The following CACNA1C variants were observed in gnomAD, a reference collection of about 807,000 sequenced individuals.
The protein encoded by CACNA1C is calcium voltage-gated channel subunit alpha1 C.
A neutral mutation model predicts 229.0 loss-of-function variants in CACNA1C; 30 were observed. That is an observed-to-expected ratio of 0.13 (90% CI 0.10 to 0.18). The LOEUF is 0.18. Among genes scored for constraint, CACNA1C ranks in the 10% least tolerant of loss-of-function variants. CACNA1C has a pLI of 1.00. For missense variants in CACNA1C, 1,658 were observed against 2,845.0 expected, an observed-to-expected ratio of 0.58 and a Z score of 9.49; for synonymous variants, 1,114 against 1,132.5, an observed-to-expected ratio of 0.98 and a Z score of 0.33.
chr12:2,520,903 A>G (rs997648784), intron 9 of CACNA1C, among the ~76,000 whole-genome samples: 1 of 152,266 alleles, frequency 6.6e-6, no homozygotes, highest in Non-Finnish European at 1.5e-5. Flanking sequence ...GGTGACAGCC[A>G]CATAACATTT....
In CACNA1C at chr12:2,493,482, G is replaced by T. The variant is rs1044738251; in HGVS notation, c.1113+96G>T. 16 of 885,258 alleles carry T rather than the reference G, an allele frequency of 1.8e-5. No homozygotes were observed. In the African/African-American group the frequency reaches 2.1e-4, roughly 12 times the overall value. 54.8% of individuals were successfully genotyped at this position (885,258 alleles called of 1,614,324 possible). On this transcript the variant is annotated intron_variant, in intron 7 of 46. Transcript: ENST00000399655. The surrounding 1 kb of genome is among the most constrained non-coding windows in gnomAD (Gnocchi z 4.6). ...TTCTCCTCCTCCCCATGGTCTTGGGGTCACATACGCATCTTGATGGAATGG... is the reference window on the plus strand; with the variant it reads ...TTCTCCTCCTCCCCATGGTCTTGGGTTCACATACGCATCTTGATGGAATGG...
intron 3 of CACNA1C, among the ~76,000 whole-genome samples, chr12:2,207,646 C>CA (rs1358169226): frequency 1.3e-5 from 2 of 151,414 alleles, no homozygotes; most frequent in East Asian, 1.9e-4. Context: ...CTCGTCTCTA[C>CA]AAAAAAAAGT....
At chr12:1,973,688 T>C (rs533654707) in intron 1 of CACNA1C, among the ~76,000 whole-genome samples, 12 of 152,342 alleles carry the variant, frequency 7.9e-5, no homozygotes, top group African/African-American at 2.6e-4. Flanking sequence ...CCTAGTTTTA[T>C]TTGTTCCTTT....
chr12:2,071,865 T>C (rs547431428), intron 1 of CACNA1C, among the ~76,000 whole-genome samples: 1 of 152,342 alleles, frequency 6.6e-6, no homozygotes, highest in African/African-American at 2.4e-5. Context: ...GTGAATGATT[T>C]CACAATATGT....
chr12:2,116,649 A>G (rs535862389), intron 2 of CACNA1C, among the ~76,000 whole-genome samples: 1,952 of 152,162 alleles, frequency 0.013, 49 homozygotes, highest in African/African-American at 0.044. Flanking sequence ...TTACAGGTGT[A>G]ATCTGCCACC....
chr12:2,513,422 C>T (rs2099789245), intron 9 of CACNA1C, among the ~76,000 whole-genome samples: 1 of 152,234 alleles, frequency 6.6e-6, no homozygotes, highest in African/African-American at 2.4e-5. Context: ...GATTTCCATG[C>T]ACCACTGAGC....
At chr12:2,361,830 A>T (rs2097565292) in intron 3 of CACNA1C, among the ~76,000 whole-genome samples, 1 of 152,254 alleles carries the variant, frequency 6.6e-6, no homozygotes, top group Non-Finnish European at 1.5e-5. Context: ...GGTAGCCCTG[A>T]TAAGCAAATG....
intron 4 of CACNA1C, among the ~76,000 whole-genome samples, chr12:2,453,707 C>T (rs565488694): frequency 6.6e-5 from 10 of 152,148 alleles, no homozygotes; most frequent in Non-Finnish European, 1.3e-4. Flanking sequence ...CCCTCCCATC[C>T]CCATAGTCCC....
intron 3 of CACNA1C, among the ~76,000 whole-genome samples, chr12:2,310,352 A>AAAATATATAT (rs201363709): frequency 2.1e-5 from 3 of 139,828 alleles, no homozygotes; most frequent in Admixed American, 7.2e-5. Context: ...TAAAAAAAAA[A>AAAATATATAT]ATATATATAT....
At chr12:2,018,099 CG>C (rs2045718103) in intron 1 of CACNA1C, 1 of 152,182 alleles carries the variant, frequency 6.6e-6, no homozygotes, top group African/African-American at 2.4e-5. Flanking sequence ...AAATCAAGCC[CG>C]GATATGTCAC....
Position 2,608,793 on chromosome 12 carries a change from C to A in CACNA1C, c.3558+81C>A. ...TGCGGCCCACCCCGCAGAGGGGCTG[C>A]GACAGGGAGAGGCCGTGCAGATACT... On this transcript the variant is annotated intron_variant, in intron 27 of 46. Coordinates refer to ENST00000399655, the MANE Select transcript of CACNA1C (RefSeq NM_000719.7). This position sits in a 1 kb window ranked among gnomAD's most constrained non-coding sequence, Gnocchi z 4.2. 1.4e-6 allele frequency: 2 copies of A among 1,410,160 alleles called. No individual in the cohort carries two copies. The highest frequency in any genetic ancestry group is 1.2e-5 in the South Asian group (1 of 81,088). The allele number at this position is 1,410,160 out of a possible 1,614,324, so 87.4% of individuals were successfully genotyped here. A position where few individuals can be genotyped will look rare whatever the true frequency, so the allele number is the denominator to read the frequency against.
chr12:2,443,313 A>C (rs1041511957), intron 3 of CACNA1C, among the ~76,000 whole-genome samples: 1 of 152,216 alleles, frequency 6.6e-6, no homozygotes, highest in Non-Finnish European at 1.5e-5. Context: ...CCAGTAGGGC[A>C]GTCATTAAAG....
intron 1 of CACNA1C, among the ~76,000 whole-genome samples, chr12:1,993,628 G>GT (rs959056466): frequency 1.5e-4 from 3 of 19,984 alleles, no homozygotes; most frequent in Non-Finnish European, 2.6e-4. Flanking sequence ...TTCATTTGTG[G>GT]TGTGTGTGTG....
At chr12:2,230,229 C>T (rs2064492734) in intron 3 of CACNA1C, among the ~76,000 whole-genome samples, 1 of 152,112 alleles carries the variant, frequency 6.6e-6, no homozygotes, top group South Asian at 2.1e-4. Context: ...GGGCCTGGCG[C>T]GTCTAGCTCG....
intron 11 of CACNA1C, among the ~76,000 whole-genome samples, chr12:2,563,361 T>A (rs1021025829): frequency 1.3e-5 from 2 of 152,212 alleles, no homozygotes; most frequent in Non-Finnish European, 2.9e-5. Flanking sequence ...AGTGCAGATA[T>A]CTCTTCAGTA....
chr12:2,315,522 C>T (rs2095644808), intron 3 of CACNA1C, among the ~76,000 whole-genome samples: 1 of 152,140 alleles, frequency 6.6e-6, no homozygotes, highest in African/African-American at 2.4e-5. Context: ...GAAGAATGGG[C>T]TCTAGCAGGC....
chr12:2,135,876 C>T (rs1162236277), intron 3 of CACNA1C, among the ~76,000 whole-genome samples: 9 of 147,974 alleles, frequency 6.1e-5, no homozygotes, highest in African/African-American at 2.1e-4. Flanking sequence ...CTAATCAAGC[C>T]CGGGCAATGG....
chr12:2,170,362 A>G (rs1233706588), intron 3 of CACNA1C, among the ~76,000 whole-genome samples: 1 of 152,184 alleles, frequency 6.6e-6, no homozygotes, highest in Admixed American at 6.5e-5. Context: ...TTAGAGGGAA[A>G]TGTCCATTTT....
At chr12:2,612,798 C>T (rs1291432206) in intron 29 of CACNA1C, 1 of 152,212 alleles carries the variant, frequency 6.6e-6, no homozygotes, top group Non-Finnish European at 1.5e-5. Context: ...GGGTCAGAAT[C>T]ACGGGTATCC....
Sources: allele counts gnomAD v4.1 joint callset (sites outside exome capture counted in the v4.1 genomes callset), GRCh38; gene constraint gnomAD v4.1.1; non-coding constraint Gnocchi (gnomAD v3.1); transcripts MANE v1.5; gene names NCBI Gene and HGNC (gene_info 2026-07-23, HGNC 2026-07-21).